Variants in CHRM2 observed in about 807,000 individuals in gnomAD.
CHRM2 encodes the protein muscarinic acetylcholine receptor M2.
Under a neutral mutation model 25.0 loss-of-function variants are expected in CHRM2, and 8 were observed. The observed-to-expected ratio is 0.32, with a 90% CI of 0.19 to 0.58. The LOEUF is 0.58. CHRM2 is among the 20% of genes least tolerant of loss of function. The probability of loss-of-function intolerance (pLI) is 0.88; values close to 1 mark genes in which losing one functional copy is unlikely to be tolerated. For missense variants in CHRM2, 440 were observed against 567.1 expected (o/e 0.78, Z 2.28); for synonymous variants, 202 against 205.7 (o/e 0.98, Z 0.15).
At chr7:136,971,248 G>A (rs1563098717) in intron 2 of CHRM2, among the ~76,000 whole-genome samples, 1 of 152,260 alleles carries the variant, frequency 6.6e-6, no homozygotes, top group South Asian at 2.1e-4. Flanking sequence ...ACAGAAAGCA[G>A]TCAGCCTGGA....
At chr7:136,939,315 G>A (rs1387021044) in intron 2 of CHRM2, among the ~76,000 whole-genome samples, 1 of 152,074 alleles carries the variant, frequency 6.6e-6, no homozygotes, top group Non-Finnish European at 1.5e-5. Context: ...TTTCATTCAG[G>A]GCTTTACTGG....
At chr7:136,990,848 G>C (rs1306049696) in intron 2 of CHRM2, among the ~76,000 whole-genome samples, 2 of 152,130 alleles carry the variant, frequency 1.3e-5, no homozygotes, top group Non-Finnish European at 2.9e-5. Context: ...AGCAGTAGAT[G>C]AATGTTTCTC....
chr7:137,016,628 G>A lies in CHRM2; in HGVS notation c.*362G>A. ...TTCCTTTTTTGTTACTTTTGTTGTT[G>A]TTGTTCTCATGTGTCCTTAAGAGAA... On this transcript the variant is annotated 3_prime_UTR_variant, in exon 4 of 4. Coordinates refer to ENST00000680005, the MANE Select transcript of CHRM2 (RefSeq NM_001006630.2). 3.9e-6 allele frequency: 1 copy of A among 255,080 alleles called. No homozygotes were observed. The highest frequency in any genetic ancestry group is 8.1e-6 in the Non-Finnish European group (1 of 122,726). The allele number at this position is 255,080 out of a possible 1,614,324, so 15.8% of individuals were successfully genotyped here.
chr7:136,897,933 C>G (rs1304240916), intron 2 of CHRM2, among the ~76,000 whole-genome samples: 2 of 152,070 alleles, frequency 1.3e-5, no homozygotes, highest in African/African-American at 4.8e-5. Flanking sequence ...CATCTAATCT[C>G]TATGCCCATT....
chr7:136,974,708 A>C (rs929755783), intron 2 of CHRM2, among the ~76,000 whole-genome samples: 1 of 152,224 alleles, frequency 6.6e-6, no homozygotes, highest in Non-Finnish European at 1.5e-5. Flanking sequence ...TCATTGCATG[A>C]AAGTTCTTGT....
chr7:136,934,581 CA>C (rs1426160209), intron 2 of CHRM2, among the ~76,000 whole-genome samples: 1 of 152,076 alleles, frequency 6.6e-6, no homozygotes, highest in African/African-American at 2.4e-5. Context: ...CTATTTTAAA[CA>C]ATATTCCTTT....
chr7:136,922,531 C>A (rs1798506940), intron 2 of CHRM2, among the ~76,000 whole-genome samples: 1 of 152,154 alleles, frequency 6.6e-6, no homozygotes. Context: ...TCATTTATAT[C>A]TTTCCATACT....
At chr7:136,913,535 G>C (rs1322605128) in intron 2 of CHRM2, among the ~76,000 whole-genome samples, 1 of 151,838 alleles carries the variant, frequency 6.6e-6, no homozygotes, top group Admixed American at 6.6e-5. Context: ...TGTGTAATAA[G>C]GTAACTTTGC....
chr7:136,930,319 C>G (rs1798988407), intron 2 of CHRM2, among the ~76,000 whole-genome samples: 1 of 151,964 alleles, frequency 6.6e-6, no homozygotes, highest in Admixed American at 6.5e-5. Flanking sequence ...ACCTGTAATC[C>G]CAGCTACTTG....
At chr7:136,876,264 A>G (rs553678523) in intron 2 of CHRM2, among the ~76,000 whole-genome samples, 10 of 152,316 alleles carry the variant, frequency 6.6e-5, no homozygotes, top group African/African-American at 2.4e-4. Flanking sequence ...TAAAAATGCT[A>G]GGCAACTTGG....
At chr7:137,007,937 A>AT (rs1321528557) in intron 3 of CHRM2, among the ~76,000 whole-genome samples, 3 of 152,058 alleles carry the variant, frequency 2.0e-5, no homozygotes, top group Non-Finnish European at 4.4e-5. Context: ...GGAAGGAGTG[A>AT]TTATTGATAA....
At chr7:136,934,821 G>C (rs1414114017) in intron 2 of CHRM2, among the ~76,000 whole-genome samples, 2 of 150,426 alleles carry the variant, frequency 1.3e-5, no homozygotes, top group African/African-American at 2.4e-5. Flanking sequence ...AGATTAATAT[G>C]CAAAAAGAAA....
chr7:136,919,167 A>G (rs1798286815), intron 2 of CHRM2, among the ~76,000 whole-genome samples: 3 of 152,106 alleles, frequency 2.0e-5, no homozygotes, highest in Admixed American at 2.0e-4. Context: ...TACGAAGACA[A>G]TCATTTGTCT....
intron 2 of CHRM2, among the ~76,000 whole-genome samples, chr7:136,978,153 C>T (rs571055449): frequency 6.6e-5 from 10 of 152,162 alleles, no homozygotes; most frequent in African/African-American, 2.4e-4. Flanking sequence ...CATCTGTATC[C>T]CAAACCATAG....
At chr7:136,955,215 T>C (rs1435118925) in intron 2 of CHRM2, among the ~76,000 whole-genome samples, 1 of 152,190 alleles carries the variant, frequency 6.6e-6, no homozygotes, top group Admixed American at 6.6e-5. Context: ...CCTGACTGCT[T>C]CCTTTACTAG....
intron 2 of CHRM2, among the ~76,000 whole-genome samples, chr7:136,896,271 A>G (rs1796898340): frequency 6.6e-6 from 1 of 152,196 alleles, no homozygotes; most frequent in Admixed American, 6.5e-5. Context: ...GAAAGTCAGT[A>G]TCAGTTTTCT....
At chr7:137,007,306 G>A (rs1179741877) in intron 3 of CHRM2, among the ~76,000 whole-genome samples, 3 of 152,134 alleles carry the variant, frequency 2.0e-5, no homozygotes, top group Non-Finnish European at 2.9e-5. Flanking sequence ...TGACAAGAAT[G>A]TGTTCTGTTT....
intron 2 of CHRM2, among the ~76,000 whole-genome samples, chr7:136,956,898 C>A (rs1800756537): frequency 6.6e-6 from 1 of 151,824 alleles, no homozygotes; most frequent in African/African-American, 2.4e-5. Context: ...AGGGTGAGGA[C>A]CTCTCTTCCC....
At chr7:136,960,988 C>A (rs545157724) in intron 2 of CHRM2, among the ~76,000 whole-genome samples, 2 of 151,994 alleles carry the variant, frequency 1.3e-5, no homozygotes, top group African/African-American at 4.8e-5. Flanking sequence ...ATTAGCCAGG[C>A]GTGGTGGCAG....
Sources: gnomAD v4.1 joint callset for allele counts (sites outside exome capture counted in the v4.1 genomes callset) on GRCh38, gnomAD v4.1.1 for gene constraint, MANE v1.5 for transcripts, NCBI Gene and HGNC (gene_info 2026-07-23, HGNC 2026-07-21) for gene names.